Variants in HACE1 observed in about 807,000 individuals in gnomAD.
HACE1 encodes the protein E3 ubiquitin-protein ligase HACE1.
In HACE1, 73 loss-of-function variants were observed where a neutral mutation model predicts 118.4. The observed-to-expected ratio is 0.62, with a 90% CI of 0.51 to 0.75. The LOEUF is 0.75. HACE1 is among the 30% of genes least tolerant of loss of function. HACE1 has a pLI of 0.00. For missense variants in HACE1, 749 were observed against 1,102.2 expected, an observed-to-expected ratio of 0.68 and a Z score of 4.54; for synonymous variants, 368 against 374.8, an observed-to-expected ratio of 0.98 and a Z score of 0.21.
chr6:104,771,496 A>G lies in HACE1; in HGVS notation c.2015-107T>C, dbSNP rs965789054. 130 of 707,856 alleles carry G rather than the reference A, an allele frequency of 1.8e-4. 1 individual carries two copies. The highest frequency in any genetic ancestry group is 4.8e-5 in the Non-Finnish European group (19 of 395,678). 43.8% of individuals were successfully genotyped at this position (707,856 alleles called of 1,614,324 possible). On this transcript the variant is annotated intron_variant, in intron 18 of 23. Transcript: ENST00000262903. The stretch of plus-strand genomic sequence containing the variant: ...GATATTCTGAAAAACTGCAAAATAT[A>G]ATACAATCCTACACACAGCATATTT...
intron 7 of HACE1, among the ~76,000 whole-genome samples, chr6:104,808,050 G>C (rs1426254482): frequency 6.6e-6 from 1 of 152,126 alleles, no homozygotes; most frequent in Non-Finnish European, 1.5e-5. Context: ...GCTGGGTGTG[G>C]TGGCGCATGC....
chr6:104,849,161 G>A lies in HACE1; in HGVS notation c.307C>T (p.His103Tyr). The A allele has an allele frequency of 6.3e-7, 1 of 1,595,360 alleles. No individual in the cohort carries two copies. The highest frequency in any genetic ancestry group is 8.6e-7 in the Non-Finnish European group (1 of 1,162,844). The change falls in exon 4 of 24, where the codon CAT becomes TAT. Residue 103 changes from histidine to tyrosine, a missense_variant. By Grantham distance (83) the His-to-Tyr change is moderately conservative (BLOSUM62 2). This residue lies in a region of HACE1 where 120 missense variants were observed against 219.1 expected (regional missense o/e 0.55). Transcript: ENST00000262903. ...AGTTACCCATTTCTTGCTGCCAAAT[G>A]AAGGGGTGTACAGCCTGAAATATCT... ...YQDISGCTPL[H>Y]LAARNGQKKC...
intron 1 of HACE1, among the ~76,000 whole-genome samples, chr6:104,853,252 T>G (rs1012734656): frequency 5.9e-5 from 9 of 152,202 alleles, no homozygotes; most frequent in Admixed American, 5.2e-4. Context: ...CTTCCAGAAC[T>G]GTGAGAAATA....
chr6:104,855,631 A>G (rs879561042), intron 1 of HACE1, among the ~76,000 whole-genome samples: 13 of 152,138 alleles, frequency 8.5e-5, no homozygotes, highest in Non-Finnish European at 1.5e-4. Context: ...GCTCTCAGAA[A>G]CTACCAATGA....
intron 19 of HACE1, among the ~76,000 whole-genome samples, chr6:104,750,881 T>G (rs530981242): frequency 7.9e-5 from 12 of 152,170 alleles, no homozygotes; most frequent in Non-Finnish European, 1.6e-4. Context: ...TAAAAATATA[T>G]ATATGTGTAT....
At chr6:104,846,701 C>G (rs1409182641) in intron 4 of HACE1, among the ~76,000 whole-genome samples, 1 of 152,194 alleles carries the variant, frequency 6.6e-6, no homozygotes, top group Non-Finnish European at 1.5e-5. Flanking sequence ...GGGAAGAACT[C>G]TACTATGACT....
intron 14 of HACE1, among the ~76,000 whole-genome samples, chr6:104,782,637 G>C (rs1052622715): frequency 3.3e-5 from 5 of 152,040 alleles, no homozygotes; most frequent in African/African-American, 9.7e-5. Context: ...TTATACAATG[G>C]TTAAGAAAAT....
chr6:104,802,760 C>G (rs1770523652), intron 7 of HACE1, among the ~76,000 whole-genome samples: 1 of 152,122 alleles, frequency 6.6e-6, no homozygotes, highest in African/African-American at 2.4e-5. Context: ...CAAGAGAAAG[C>G]AGAAAGATCT....
intron 6 of HACE1, among the ~76,000 whole-genome samples, chr6:104,812,999 G>A (rs1771790213): frequency 1.1e-5 from 1 of 87,876 alleles, no homozygotes. Context: ...AGACACACAG[G>A]TAGAGCAAAG....
At chr6:104,796,859 A>C in intron 8 of HACE1, 70 bp downstream of exon 8, 1 of 1,149,672 alleles carries the variant, frequency 8.7e-7, no homozygotes, top group Non-Finnish European at 1.3e-6. Context: ...TCATTGAAAA[A>C]ATAATAATTT....
chr6:104,744,498 T>C lies in HACE1; in HGVS notation c.2442+14A>G. On this transcript the variant is annotated intron_variant, in intron 21 of 23. Transcript: ENST00000262903. ...CAAAACTTAACTTCATTCTAAGCTC[T>C]AGAGAAATTTTACCTGAATAACTGG... 1 of 1,371,888 alleles carries C rather than the reference T, an allele frequency of 7.3e-7. No individual in the cohort carries two copies. The highest frequency in any genetic ancestry group is 2.3e-5 in the East Asian group (1 of 43,696). 85.0% of individuals were successfully genotyped at this position (1,371,888 alleles called of 1,614,324 possible).
chr6:104,793,959 A>T (rs1337762022), intron 10 of HACE1, among the ~76,000 whole-genome samples: 2 of 152,208 alleles, frequency 1.3e-5, no homozygotes, highest in South Asian at 2.1e-4. Context: ...GTAATTTTTT[A>T]AAAACTACTA....
chr6:104,850,819 C>T, intron 3 of HACE1, 88 bp downstream of exon 3: 1 of 870,058 alleles, frequency 1.1e-6, no homozygotes, highest in Admixed American at 1.7e-5. Flanking sequence ...TCTCATCTCT[C>T]CCCAGAAATA....
intron 7 of HACE1, among the ~76,000 whole-genome samples, chr6:104,808,112 G>A (rs1771216893): frequency 6.6e-6 from 1 of 152,018 alleles, no homozygotes. Context: ...CTTGAAGCCA[G>A]GAGGCAGAGA....
intron 6 of HACE1, among the ~76,000 whole-genome samples, chr6:104,823,974 C>A (rs931223915): frequency 1.3e-5 from 2 of 152,106 alleles, no homozygotes; most frequent in African/African-American, 4.8e-5. Flanking sequence ...ACAGAAGAAA[C>A]CTTAAATGTA....
At chr6:104,745,104 G>A (rs1551481) in intron 20 of HACE1, among the ~76,000 whole-genome samples, 37,544 of 151,940 alleles carry the variant, frequency 0.25, 5,032 homozygotes, top group African/African-American at 0.36. Context: ...AAATAGTTAC[G>A]ATTTTTAAAA....
chr6:104,731,215 T>C (rs1775164672), intron 22 of HACE1: 1 of 152,102 alleles, frequency 6.6e-6, no homozygotes, highest in South Asian at 2.1e-4. Context: ...AAAATTCTAT[T>C]GCTTTTAAAA....
intron 11 of HACE1, chr6:104,787,534 C>A (rs1369696235): frequency 6.6e-6 from 1 of 152,066 alleles, no homozygotes; most frequent in Non-Finnish European, 1.5e-5. Flanking sequence ...AAATGAACTT[C>A]TGAAATGGAA....
chr6:104,839,061 C>G (rs1774835962), intron 5 of HACE1, among the ~76,000 whole-genome samples: 1 of 152,058 alleles, frequency 6.6e-6, no homozygotes, highest in African/African-American at 2.4e-5. Context: ...TATCATCTCA[C>G]CCCTATTAAA....
Sources: allele counts gnomAD v4.1 joint callset (sites outside exome capture counted in the v4.1 genomes callset), GRCh38; gene constraint gnomAD v4.1.1; regional missense constraint gnomAD v4.1.1; transcripts MANE v1.5; gene names NCBI Gene and HGNC (gene_info 2026-07-23, HGNC 2026-07-21).